The following HERC3 variants were observed in gnomAD, a reference collection of about 807,000 sequenced individuals.
HERC3 encodes the protein probable E3 ubiquitin-protein ligase HERC3.
Under a neutral mutation model 129.9 loss-of-function variants are expected in HERC3, and 58 were observed. That is an observed-to-expected ratio of 0.45 (90% CI 0.36 to 0.56). The LOEUF is 0.56. Ranked by LOEUF, HERC3 falls within the 20% of genes least tolerant of loss-of-function variation. The pLI is 0.00. For missense variants in HERC3, 835 were observed against 1,244.2 expected (o/e 0.67, Z 4.95); for synonymous variants, 430 against 451.0 (o/e 0.95, Z 0.59).
At chr4:88,636,676 C>T (rs1455513832) in intron 3 of HERC3, among the ~76,000 whole-genome samples, 1 of 152,222 alleles carries the variant, frequency 6.6e-6, no homozygotes, top group East Asian at 1.9e-4. Context: ...CACCCCAAAA[C>T]AACAGAGTGT....
At chr4:88,668,909 T>G (rs1731322844) in intron 14 of HERC3, among the ~76,000 whole-genome samples, 1 of 152,162 alleles carries the variant, frequency 6.6e-6, no homozygotes, top group Non-Finnish European at 1.5e-5. Context: ...AGTACTTAAT[T>G]TTTTTTAAGA....
the HERC3 span, among the ~76,000 whole-genome samples, chr4:88,562,492 A>G: frequency 0.4 from 61,306 of 151,850 alleles, 14,743 homozygotes; most frequent in African/African-American, 0.68. Context: ...TTTGCTGTGC[A>G]TTTTTAACTT....
At chr4:88,676,080 C>T (rs974379706) in intron 16 of HERC3, 138 bp from the exon 17 acceptor site, 1 of 603,970 alleles carries the variant, frequency 1.7e-6, no homozygotes, top group Non-Finnish European at 2.9e-6. Flanking sequence ...AAAATTTAGT[C>T]AGCCATTCAA....
chr4:88,545,430 C>CTTTT, the HERC3 span, among the ~76,000 whole-genome samples: 292 of 110,358 alleles, frequency 2.6e-3, 11 homozygotes, highest in African/African-American at 8.4e-3. Flanking sequence ...TTTGAGAATT[C>CTTTT]TTTTTTTTTT....
chr4:88,658,526 G>C (rs1217117370), intron 10 of HERC3, 35 bp downstream of exon 10: 2 of 1,112,270 alleles, frequency 1.8e-6, no homozygotes, highest in Non-Finnish European at 2.7e-6. Context: ...TTTCCAGGAA[G>C]GAATAATAGT....
chr4:88,575,011 A>G, the HERC3 span, among the ~76,000 whole-genome samples: 4 of 152,182 alleles, frequency 2.6e-5, no homozygotes, highest in African/African-American at 4.8e-5. Flanking sequence ...GCATGGCTTT[A>G]TAGACTGTTT....
In HERC3 at chr4:88,678,099, A is replaced by G; in HGVS notation, c.2161A>G (p.Ile721Val). 1 of 1,613,990 alleles carries G rather than the reference A, an allele frequency of 6.2e-7. No homozygotes were observed. The highest frequency in any genetic ancestry group is 8.5e-7 in the Non-Finnish European group (1 of 1,179,988). Reference protein sequence around the residue: ...LVGDALRELSIHSDIDLKKPL... With the variant: ...LVGDALRELSVHSDIDLKKPL... ...TGGAGATGCCCTAAGAGAGCTGAGC[A>G]TTCATTCTGATATTGATTTGAAAAA... The change falls in exon 19 of 26, where the codon ATT (isoleucine) becomes GTT (valine). Residue 721 changes from isoleucine (I) to valine (V), a missense_variant. Physicochemically the swap from Ile to Val is conservative, Grantham distance 29. Coordinates refer to ENST00000402738, the MANE Select transcript of HERC3 (RefSeq NM_014606.3).
Position 88,623,191 on chromosome 4 carries a change from G to A in HERC3, c.226+17142G>A, listed in dbSNP as rs118179652. On this transcript the variant is annotated intron_variant, in intron 3 of 25. Coordinates refer to ENST00000402738, the MANE Select transcript of HERC3 (RefSeq NM_014606.3). The stretch of plus-strand genomic sequence containing the variant: ...TTCTGGTCGTCCTGAAGTTTTTGAT[G>A]CAAGTGGCTAGGATGGACTCACATC... Among the ~76,000 whole-genome samples, 378 of 152,292 alleles carry A rather than the reference G, an allele frequency of 2.5e-3. 11 individuals carry two copies. The East Asian group carries it at 0.062, about 25-fold the overall frequency.
intron 3 of HERC3, among the ~76,000 whole-genome samples, chr4:88,615,265 A>G (rs1225341501): frequency 6.6e-6 from 1 of 152,154 alleles, no homozygotes; most frequent in African/African-American, 2.4e-5. Context: ...TGGGGTAGGT[A>G]GAATGTTGTA....
At chr4:88,636,684 T>C (rs1727444591) in intron 3 of HERC3, among the ~76,000 whole-genome samples, 1 of 152,058 alleles carries the variant, frequency 6.6e-6, no homozygotes, top group African/African-American at 2.4e-5. Context: ...AACAACAGAG[T>C]GTACATTCTT....
At chr4:88,605,690 A>T (rs981054932) in intron 2 of HERC3, 105 bp from the exon 3 acceptor site, 25 of 622,376 alleles carry the variant, frequency 4.0e-5, no homozygotes, top group Admixed American at 5.8e-5. Flanking sequence ...TATCTGAAGA[A>T]TATTAAGGGG....
At chr4:88,642,532 ATTC>A (rs1200459963) in intron 3 of HERC3, among the ~76,000 whole-genome samples, 1 of 152,366 alleles carries the variant, frequency 6.6e-6, no homozygotes, top group African/African-American at 2.4e-5. Context: ...ACAAACATTT[ATTC>A]TTAACAGTTC....
chr4:88,578,541 C>T, the HERC3 span, among the ~76,000 whole-genome samples: 4 of 150,852 alleles, frequency 2.7e-5, no homozygotes, highest in South Asian at 2.1e-4. Flanking sequence ...AAGATCATGC[C>T]ACTGCACTCC....
the HERC3 span, among the ~76,000 whole-genome samples, chr4:88,560,503 T>TG: frequency 0.4 from 61,297 of 151,978 alleles, 14,744 homozygotes; most frequent in African/African-American, 0.68. Context: ...ACCAGGTATA[T>TG]GTTTGCAAAT....
At chr4:88,562,559 C>T in the HERC3 span, among the ~76,000 whole-genome samples, 8 of 152,236 alleles carry the variant, frequency 5.3e-5, no homozygotes, top group South Asian at 1.7e-3. Flanking sequence ...GGGGGTATTA[C>T]TAAAGAAAGT....
At chr4:88,663,647 A>C (rs1456570111) in intron 11 of HERC3, among the ~76,000 whole-genome samples, 1 of 152,334 alleles carries the variant, frequency 6.6e-6, no homozygotes, top group South Asian at 2.1e-4. Context: ...CCTCAGAATT[A>C]GCTGTTTCCT....
At chr4:88,653,942 C>T (rs553688358) in intron 6 of HERC3, 100 bp from the exon 7 acceptor site, 22 of 811,162 alleles carry the variant, frequency 2.7e-5, no homozygotes, top group Admixed American at 5.7e-5. Flanking sequence ...ACTGAACATG[C>T]GTCAGGAATC....
chr4:88,576,125 A>G, the HERC3 span, among the ~76,000 whole-genome samples: 2 of 152,028 alleles, frequency 1.3e-5, no homozygotes, highest in African/African-American at 4.8e-5. Flanking sequence ...TCTACCTTCA[A>G]ATTAGCTCTT....
intron 23 of HERC3, chr4:88,690,127 A>G (rs772353594): frequency 2.0e-6 from 2 of 985,410 alleles, no homozygotes; most frequent in Non-Finnish European, 2.4e-6. Flanking sequence ...TGATTCAAGT[A>G]AGAATGTTGC....
Sources: gnomAD v4.1 joint callset for allele counts (sites outside exome capture counted in the v4.1 genomes callset) on GRCh38, gnomAD v4.1.1 for gene constraint, MANE v1.5 for transcripts, NCBI Gene and HGNC (gene_info 2026-07-23, HGNC 2026-07-21) for gene names.